The following SEC24B variants were observed in gnomAD, a reference collection of about 807,000 sequenced individuals.
SEC24B encodes protein transport protein Sec24B.
SEC24B carries 45 observed loss-of-function variants against 142.8 expected under a neutral mutation model. That is an observed-to-expected ratio of 0.32 (90% CI 0.25 to 0.40). The LOEUF (loss-of-function observed/expected upper bound fraction) is 0.40. Among genes scored for constraint, SEC24B ranks in the 10% least tolerant of loss-of-function variants. The pLI is 1.00. For synonymous variants in SEC24B, 574 were observed against 568.2 expected (o/e 1.01, Z -0.15); for missense variants, 1,409 against 1,526.8 (o/e 0.92, Z 1.29).
At chr4:109,472,619 T>C (rs1329581602) in intron 2 of SEC24B, among the ~76,000 whole-genome samples, 3 of 152,156 alleles carry the variant, frequency 2.0e-5, no homozygotes, top group Admixed American at 6.5e-5. Context: ...TGAGTCACCA[T>C]TGCATAGTAC....
intron 1 of SEC24B, among the ~76,000 whole-genome samples, chr4:109,438,486 A>T (rs1728622575): frequency 6.6e-6 from 1 of 151,462 alleles, no homozygotes; most frequent in Non-Finnish European, 1.5e-5. Flanking sequence ...GCTAACTTTT[A>T]AAAAAAAATT....
At chr4:109,517,589 T>A (rs1044080595) in intron 11 of SEC24B, among the ~76,000 whole-genome samples, 36 of 152,148 alleles carry the variant, frequency 2.4e-4, no homozygotes, top group Non-Finnish European at 4.7e-4. Context: ...GAGATGAGAA[T>A]TGTTGTGTTC....
intron 1 of SEC24B, among the ~76,000 whole-genome samples, chr4:109,447,799 C>A (rs1729623587): frequency 6.6e-6 from 1 of 152,126 alleles, no homozygotes; most frequent in Admixed American, 6.5e-5. Flanking sequence ...AAATTGGTGG[C>A]TTCAAACAAC....
At chr4:109,436,623 G>C (rs1728433744) in intron 1 of SEC24B, among the ~76,000 whole-genome samples, 1 of 152,202 alleles carries the variant, frequency 6.6e-6, no homozygotes, top group South Asian at 2.1e-4. Flanking sequence ...GATCACATTT[G>C]AGTTTGTGCT....
rs193025317 is a variant in SEC24B at position 109,521,841 on chromosome 4, C to T, written c.2508+215C>T. 5.9e-5 allele frequency among the ~76,000 whole-genome samples: 9 copies of T among 151,992 alleles called. No homozygotes were observed. The East Asian group carries it at 1.7e-3, about 29-fold the overall frequency. On this transcript the variant is annotated intron_variant, in intron 14 of 23. Transcript: ENST00000265175. ...CTGCTTCCCAGGTTCAAGCGATTCT[C>T]CTGCTTCAGCCTCCTGAGTAGCTGG... is the stretch of plus-strand genomic sequence containing the variant.
intron 2 of SEC24B, among the ~76,000 whole-genome samples, chr4:109,471,637 CAT>C (rs10606064): frequency 0.11 from 16,833 of 151,948 alleles, 3,076 homozygotes; most frequent in African/African-American, 0.38. Flanking sequence ...TGAATTCACT[CAT>C]GTGAATTCAT....
At chr4:109,453,743 G>A (rs1730376897) in intron 1 of SEC24B, among the ~76,000 whole-genome samples, 1 of 152,158 alleles carries the variant, frequency 6.6e-6, no homozygotes, top group Non-Finnish European at 1.5e-5. Flanking sequence ...GAAGATGAAA[G>A]GATTAAGAGG....
chr4:109,433,984 G>A lies in SEC24B; in HGVS notation c.115G>A (p.Ala39Thr). The part of the protein sequence containing the change: ...AAPAGPGAGP[A>T]PHQQNGPAQN... Reference sequence around the variant, plus strand: ...GCCCGCGGGCCCGGGTGCGGGCCCGGCGCCGCACCAGCAGAACGGTGAGGC... The same window carrying A: ...GCCCGCGGGCCCGGGTGCGGGCCCGACGCCGCACCAGCAGAACGGTGAGGC... The change falls in exon 1 of 24, where the codon GCG becomes ACG. Residue 39 changes from alanine to threonine, a missense_variant. Transcript: ENST00000265175. 1 of 1,196,952 alleles carries A rather than the reference G, an allele frequency of 8.4e-7. No homozygotes were observed. The highest frequency in any genetic ancestry group is 1.0e-6 in the Non-Finnish European group (1 of 967,202). The allele number at this position is 1,196,952 out of a possible 1,614,324, so 74.1% of individuals were successfully genotyped here. A position where few individuals can be genotyped will look rare whatever the true frequency, so the allele number is the denominator to read the frequency against.
intron 1 of SEC24B, among the ~76,000 whole-genome samples, chr4:109,440,647 A>G (rs1261727989): frequency 6.6e-6 from 1 of 152,230 alleles, no homozygotes; most frequent in East Asian, 1.9e-4. Context: ...TTAATAAGGT[A>G]CTATTTTTAA....
At chr4:109,498,621 C>T (rs1735782324) in intron 6 of SEC24B, among the ~76,000 whole-genome samples, 1 of 152,178 alleles carries the variant, frequency 6.6e-6, no homozygotes, top group Admixed American at 6.5e-5. Context: ...GCCTTGGCCT[C>T]CCAAAGTGCT....
chr4:109,474,125 T>C (rs1398351670), intron 3 of SEC24B, among the ~76,000 whole-genome samples: 2 of 152,220 alleles, frequency 1.3e-5, no homozygotes, highest in African/African-American at 4.8e-5. Context: ...CACATTTTCT[T>C]ACTTGGTTTT....
chr4:109,521,673 T>C, intron 14 of SEC24B, 47 bp downstream of exon 14: 1 of 1,303,630 alleles, frequency 7.7e-7, no homozygotes, highest in South Asian at 1.3e-5. Flanking sequence ...GTGTAATTAT[T>C]TGTTTATTCT....
At chr4:109,446,511 A>G (rs79157809) in intron 1 of SEC24B, among the ~76,000 whole-genome samples, 2,250 of 152,302 alleles carry the variant, frequency 0.015, 38 homozygotes, top group African/African-American at 0.038. Flanking sequence ...TGTTGTAAAC[A>G]CTGACTTTGT....
chr4:109,525,221 C>T, intron 15 of SEC24B, 125 bp from the exon 16 acceptor site: 2 of 810,808 alleles, frequency 2.5e-6, no homozygotes, highest in Non-Finnish European at 3.6e-6. Context: ...TTTGTATGTT[C>T]TTATTTTGAT....
In SEC24B at chr4:109,471,639, T is replaced by C. The variant is rs182286635; in HGVS notation, c.878-1365T>C. Among the ~76,000 whole-genome samples the C allele has an allele frequency of 1.1e-3, 143 of 124,512 alleles. 4 individuals are homozygous for C. In the East Asian group the frequency reaches 0.024, roughly 21 times the overall value. The allele number at this position is 124,512 out of a possible 152,430, so 81.7% of individuals were successfully genotyped here. On this transcript the variant is annotated intron_variant, in intron 2 of 23. Coordinates refer to ENST00000265175, the MANE Select transcript of SEC24B (RefSeq NM_006323.5). ...TGCAGGTTTTTCTTGAATTCACTCA[T>C]GTGAATTCATTTTGCTGGAGGTTTG... is the stretch of plus-strand genomic sequence containing the variant.
intron 1 of SEC24B, among the ~76,000 whole-genome samples, chr4:109,443,456 G>A (rs1252133790): frequency 6.6e-6 from 1 of 152,040 alleles, no homozygotes; most frequent in Non-Finnish European, 1.5e-5. Flanking sequence ...TGCCTGGGAT[G>A]GTCTCAAACT....
intron 23 of SEC24B, among the ~76,000 whole-genome samples, chr4:109,539,229 T>C (rs1725916553): frequency 6.6e-6 from 1 of 152,048 alleles, no homozygotes; most frequent in African/African-American, 2.4e-5. Flanking sequence ...CTCAAAGTGC[T>C]GGGATTACAG....
At chr4:109,465,134 G>A (rs1379320851) in intron 2 of SEC24B, among the ~76,000 whole-genome samples, 5 of 152,094 alleles carry the variant, frequency 3.3e-5, no homozygotes, top group African/African-American at 4.8e-5. Context: ...CTAGCTTCAG[G>A]GAAGGCTGGA....
chr4:109,473,192 T>C lies in SEC24B; in HGVS notation c.1060+6T>C. ...AGAGCTATTACAACAAAAAGGTATT[T>C]GAGATATTTATTATTGTATATGCAC... On this transcript the variant is annotated splice_donor_region_variant and intron_variant, in intron 3 of 23. Coordinates refer to ENST00000265175, the MANE Select transcript of SEC24B (RefSeq NM_006323.5). The C allele has an allele frequency of 6.4e-7, 1 of 1,552,216 alleles. No homozygotes were observed.
Sources: allele counts gnomAD v4.1 joint callset (sites outside exome capture counted in the v4.1 genomes callset), GRCh38; gene constraint gnomAD v4.1.1; transcripts MANE v1.5; gene names NCBI Gene and HGNC (gene_info 2026-07-23, HGNC 2026-07-21).